PLSCR4: variants seen among roughly 807,000 people sequenced by gnomAD.
PLSCR4 encodes the protein Ca(2+)-dependent phospholipid scramblase 4.
In PLSCR4, 25 loss-of-function variants were observed where a neutral mutation model predicts 36.3. The ratio of observed to expected loss-of-function variants is 0.69; its 90% CI spans 0.50 to 0.96. The LOEUF (loss-of-function observed/expected upper bound fraction) is 0.96, where lower values mean the gene tolerates loss of function less well. Ranked by LOEUF, PLSCR4 falls within the 40% of genes least tolerant of loss-of-function variation. The probability of loss-of-function intolerance (pLI) is 0.00; values close to 1 mark genes in which losing one functional copy is unlikely to be tolerated. For synonymous variants in PLSCR4, 122 were observed against 132.9 expected (o/e 0.92, Z 0.56); for missense variants, 408 against 414.7 (o/e 0.98, Z 0.14).
intron 1 of PLSCR4, among the ~76,000 whole-genome samples, chr3:146,225,516 G>A (rs576855762): frequency 2.2e-3 from 335 of 152,288 alleles, no homozygotes; most frequent in Non-Finnish European, 3.7e-3. Context: ...GGCCGCACAG[G>A]AGCCCATGGA....
At position 146,195,174 on chromosome 3, in the gene PLSCR4, C is replaced by T. The variant is rs1559894855; in HGVS notation, c.895G>A (p.Asp299Asn). The change falls in exon 8 of 9, where the codon GAC (aspartate) becomes AAC (asparagine). Residue 299 changes from aspartate (D) to asparagine (N), a missense_variant. Coordinates refer to ENST00000354952, the MANE Select transcript of PLSCR4 (RefSeq NM_020353.3). ...ATGGCTTTCATCTTCACATCCAGGTCTAGTGGGAAGTGAATGTCAAAATGG... is the reference window on the plus strand; with the variant it reads ...ATGGCTTTCATCTTCACATCCAGGTTTAGTGGGAAGTGAATGTCAAAATGG... The part of the protein sequence containing the change: ...ADHFDIHFPL[D>N]LDVKMKAMIF... 7 of 1,613,776 alleles carry T rather than the reference C, an allele frequency of 4.3e-6. No individual in the cohort carries two copies. Among genetic ancestry groups the T allele is most frequent in the Non-Finnish European group, 5.9e-6 (7 of 1,179,772 alleles).
intron 1 of PLSCR4, among the ~76,000 whole-genome samples, chr3:146,249,481 C>T (rs2036466396): frequency 6.6e-6 from 1 of 152,072 alleles, no homozygotes; most frequent in African/African-American, 2.4e-5. Flanking sequence ...CATGTCTCTT[C>T]AGTTTCATTT....
chr3:146,236,707 C>T (rs1023431135), intron 1 of PLSCR4, among the ~76,000 whole-genome samples: 2 of 151,928 alleles, frequency 1.3e-5, no homozygotes, highest in Admixed American at 6.6e-5. Flanking sequence ...ACCGTAAGAC[C>T]GTTAAACCGC....
At chr3:146,200,600 G>T (rs1010060409) in intron 5 of PLSCR4, among the ~76,000 whole-genome samples, 1 of 152,032 alleles carries the variant, frequency 6.6e-6, no homozygotes, top group Admixed American at 6.6e-5. Context: ...ACTGCACTAC[G>T]ATTTGGCAGA....
At chr3:146,226,130 T>C (rs960129599) in intron 1 of PLSCR4, among the ~76,000 whole-genome samples, 1 of 152,194 alleles carries the variant, frequency 6.6e-6, no homozygotes, top group Admixed American at 6.5e-5. Flanking sequence ...AAAGAAGTGA[T>C]GAGGGGTGGC....
intron 2 of PLSCR4, 87 bp from the exon 3 acceptor site, chr3:146,221,012 C>A: frequency 1.4e-6 from 1 of 723,336 alleles, no homozygotes; most frequent in Non-Finnish European, 2.3e-6. Context: ...TATGGGAATG[C>A]ATCAAGAAAT....
chr3:146,203,611 T>C (rs923286679), intron 4 of PLSCR4, among the ~76,000 whole-genome samples: 2 of 152,058 alleles, frequency 1.3e-5, no homozygotes, highest in African/African-American at 2.4e-5. Flanking sequence ...TGCACTTCTA[T>C]GTTACAAAAG....
chr3:146,219,424 A>G (rs906269466), intron 3 of PLSCR4, among the ~76,000 whole-genome samples: 1 of 152,234 alleles, frequency 6.6e-6, no homozygotes, highest in African/African-American at 2.4e-5. Context: ...TAGATAAAGC[A>G]TGATTATAAT....
rs1442381174 is a variant in PLSCR4, at chr3:146,229,626, TTTATTTATTTATTTA to T, written c.-21-7549_-21-7535del. On this transcript the variant is annotated intron_variant, in intron 1 of 8. Transcript: ENST00000354952. ...ATTTATTTATTTATTTATTTATTTA[TTTATTTATTTATTTA>T]TGAGATGGAGTCTCGCTCTGTCACC... Among the ~76,000 whole-genome samples, 238 of 143,082 alleles carry T rather than the reference TTTATTTATTTATTTA, an allele frequency of 1.7e-3. 1 individual carries two copies. The highest frequency in any genetic ancestry group is 5.6e-3 in the South Asian group (25 of 4,502). The allele number at this position is 143,082 out of a possible 152,430, so 93.9% of individuals were successfully genotyped here.
intron 5 of PLSCR4, 21 bp downstream of exon 5, chr3:146,201,014 C>G: frequency 2.0e-6 from 3 of 1,473,820 alleles, no homozygotes; most frequent in Non-Finnish European, 2.8e-6. Flanking sequence ...TACTGCTGAG[C>G]ACTACAAAAA....
chr3:146,203,469 C>A (rs2034151038), intron 4 of PLSCR4, among the ~76,000 whole-genome samples: 2 of 151,952 alleles, frequency 1.3e-5, no homozygotes, highest in African/African-American at 4.8e-5. Context: ...CATCTTCTTC[C>A]AACAGAAGGC....
intron 1 of PLSCR4, among the ~76,000 whole-genome samples, chr3:146,232,970 C>T (rs1221034472): frequency 8.6e-5 from 13 of 152,006 alleles, no homozygotes; most frequent in Middle Eastern, 3.2e-3. Context: ...CTTTTGTTTC[C>T]CTGTATTTGA....
rs769248215 is a variant in PLSCR4, at chr3:146,195,258, T to C, written c.811A>G (p.Asn271Asp). 3.7e-6 allele frequency: 6 copies of C among 1,613,728 alleles called. No individual in the cohort carries two copies. Among genetic ancestry groups the C allele is most frequent in the Non-Finnish European group, 4.2e-6 (5 of 1,179,692 alleles). Residue 271 changes from asparagine to aspartate, a missense_variant, in exon 8 of 9, where the codon AAC (asparagine) becomes GAC (aspartate). Transcript: ENST00000354952. ...CACTTCCGGATAATACTGCCGATGT[T>C]GGATATGCCATCAAGGGATTTGACC... ...FEVKSLDGISNIGSIIRKWNG... is the reference protein window; with the variant it reads ...FEVKSLDGISDIGSIIRKWNG...
At chr3:146,239,006 C>T (rs78991127) in intron 1 of PLSCR4, among the ~76,000 whole-genome samples, 2,557 of 151,828 alleles carry the variant, frequency 0.017, 75 homozygotes, top group African/African-American at 0.058. Flanking sequence ...TATAATAGTA[C>T]CAAAAATAAT....
intron 1 of PLSCR4, among the ~76,000 whole-genome samples, chr3:146,225,861 G>C (rs1458512844): frequency 1.3e-5 from 2 of 152,298 alleles, no homozygotes; most frequent in Admixed American, 1.3e-4. Context: ...GGCCAGCCCA[G>C]AAAGGGGCTC....
At chr3:146,239,466 G>T (rs2036053144) in intron 1 of PLSCR4, among the ~76,000 whole-genome samples, 1 of 150,390 alleles carries the variant, frequency 6.6e-6, no homozygotes. Context: ...TACCAACAGG[G>T]GAAGGAAATG....
chr3:146,224,123 T>C (rs564080519), intron 1 of PLSCR4, among the ~76,000 whole-genome samples: 1 of 152,124 alleles, frequency 6.6e-6, no homozygotes, highest in African/African-American at 2.4e-5. Flanking sequence ...CTCCTAGTTA[T>C]GTACCTGGAA....
At chr3:146,198,743 A>G (rs1325683644) in intron 6 of PLSCR4, among the ~76,000 whole-genome samples, 1 of 152,104 alleles carries the variant, frequency 6.6e-6, no homozygotes, top group Non-Finnish European at 1.5e-5. Flanking sequence ...CTGGCTTCCT[A>G]TAATTTCAGA....
chr3:146,241,255 GC>G (rs1444929545), intron 1 of PLSCR4, among the ~76,000 whole-genome samples: 1 of 152,160 alleles, frequency 6.6e-6, no homozygotes, highest in Non-Finnish European at 1.5e-5. Context: ...TGTGGTGATA[GC>G]TTCACAACTC....
Sources: allele counts gnomAD v4.1 joint callset (sites outside exome capture counted in the v4.1 genomes callset), GRCh38; gene constraint gnomAD v4.1.1; transcripts MANE v1.5; gene names NCBI Gene and HGNC (gene_info 2026-07-23, HGNC 2026-07-21).